Variants in KIFC3 observed in about 807,000 individuals in gnomAD.
KIFC3 encodes kinesin-like protein KIFC3.
In KIFC3, 60 loss-of-function variants were observed where a neutral mutation model predicts 101.8. The observed-to-expected ratio is 0.59, with a 90% CI of 0.48 to 0.73. KIFC3 has a LOEUF of 0.73. KIFC3 is among the 30% of genes least tolerant of loss of function. The probability of loss-of-function intolerance (pLI) is 0.00; values close to 1 mark genes in which losing one functional copy is unlikely to be tolerated. For synonymous variants in KIFC3, 476 were observed against 482.7 expected (o/e 0.99, Z 0.18); for missense variants, 966 against 1,137.1 (o/e 0.85, Z 2.16).
At chr16:57,825,268 G>T (rs1256014376) in intron 1 of KIFC3, among the ~76,000 whole-genome samples, 8 of 152,222 alleles carry the variant, frequency 5.3e-5, no homozygotes, top group Non-Finnish European at 4.4e-5. Context: ...CACTGGCCAG[G>T]CTCCTTCTCT....
At position 57,769,745 on chromosome 16, in the gene KIFC3, G is replaced by C; in HGVS notation, c.1088-20C>G. ...GGACGCCTATGGGGACACTCGGGCTGTGAGGCGGGAGGGGATGAGGGGCCG... is the reference window on the plus strand; with the variant it reads ...GGACGCCTATGGGGACACTCGGGCTCTGAGGCGGGAGGGGATGAGGGGCCG... On this transcript the variant is annotated intron_variant, in intron 8 of 19. Transcript: ENST00000445690. The surrounding 1 kb of genome is among the most constrained non-coding windows in gnomAD (Gnocchi z 4.3). 2 of 1,612,914 alleles carry C rather than the reference G, an allele frequency of 1.2e-6. No homozygotes were observed. The highest frequency in any genetic ancestry group is 1.7e-6 in the Non-Finnish European group (2 of 1,179,774).
intron 1 of KIFC3, 151 bp from the exon 2 acceptor site, chr16:57,798,433 T>C (rs965675638): frequency 3.0e-5 from 21 of 689,936 alleles, no homozygotes; most frequent in African/African-American, 5.5e-5. Flanking sequence ...CCAAAGACCC[T>C]AGGGCTCGCA....
In KIFC3 at chr16:57,802,116, C is replaced by T. The variant is rs2149240019; in HGVS notation, c.-40+254G>A. ...GTTCAATAAAATCCAAACGGGGTCC[C>T]GAGGCTGCTCGGATCCCGTGGGACA... On this transcript the variant is annotated intron_variant, in intron 1 of 19. Coordinates refer to ENST00000445690, the MANE Select transcript of KIFC3 (RefSeq NM_001130100.2). This position sits in a 1 kb window ranked among gnomAD's most constrained non-coding sequence, Gnocchi z 5.0. Among the ~76,000 whole-genome samples, 1 of 152,362 alleles carries T rather than the reference C, an allele frequency of 6.6e-6. No individual in the cohort carries two copies. The highest frequency in any genetic ancestry group is 3.4e-3 in the Middle Eastern group (1 of 294).
chr16:57,827,212 G>A (rs1020814240), intron 1 of KIFC3, among the ~76,000 whole-genome samples: 1 of 152,242 alleles, frequency 6.6e-6, no homozygotes, highest in African/African-American at 2.4e-5. Context: ...TGTGGCTGGT[G>A]GGAGCCTGGC....
chr16:57,798,789 C>T (rs2054539422), intron 1 of KIFC3, among the ~76,000 whole-genome samples: 1 of 152,208 alleles, frequency 6.6e-6, no homozygotes. Context: ...CTCAAAAGGG[C>T]CCTGACTGTG....
At chr16:57,770,190 G>A (rs551496268) in intron 7 of KIFC3, among the ~76,000 whole-genome samples, 2 of 152,342 alleles carry the variant, frequency 1.3e-5, no homozygotes, top group African/African-American at 2.4e-5. Flanking sequence ...CCCAAGCCAC[G>A]TGCCCTCAGG....
chr16:57,846,523 C>T (rs1398271946), intron 1 of KIFC3: 1 of 152,270 alleles, frequency 6.6e-6, no homozygotes, highest in Non-Finnish European at 1.5e-5. Context: ...GCGGAGATGC[C>T]TGGAAGGCGC....
In KIFC3 at chr16:57,771,333, G is replaced by T. The variant is rs1555608062; in HGVS notation, c.630C>A (p.Asp210Glu). 1.2e-6 allele frequency: 2 copies of T among 1,613,662 alleles called. No homozygotes were observed. Among genetic ancestry groups the T allele is most frequent in the Non-Finnish European group, 1.7e-6 (2 of 1,180,056 alleles). ...GTCGCAGCTCCACCTCAGCCAGCCG[G>T]TCGGTCTTCTGCTGCACCTCTAGGT... ...ELNLEVQQKT[D>E]RLAEVELRLK... is the part of the protein sequence containing the mutation. Residue 210 changes from aspartate to glutamate, a missense_variant, in exon 6 of 20, where the codon GAC becomes GAA. Asp to Glu is a conservative substitution (Grantham distance 45). Around this residue, in one of 2 missense-constraint regions of KIFC3, gnomAD observed 689 missense variants for 884.6 expected, o/e 0.78. Transcript: ENST00000445690.
rs2050405099 is a variant in KIFC3 at position 57,765,657 on chromosome 16, T to C, written c.1331-17A>G. ...GGATGTTCCCTGGATTGGTTGGGGA[T>C]GGGGAAATGGGTCCAGGCCATGTCA... On this transcript the variant is annotated splice_polypyrimidine_tract_variant and intron_variant, in intron 10 of 19. Transcript: ENST00000445690. 1 of 1,600,330 alleles carries C rather than the reference T, an allele frequency of 6.2e-7. No homozygotes were observed. Among genetic ancestry groups the C allele is most frequent in the Non-Finnish European group, 8.5e-7 (1 of 1,171,910 alleles).
At chr16:57,796,173 G>A (rs782164992) in intron 2 of KIFC3, among the ~76,000 whole-genome samples, 1 of 152,132 alleles carries the variant, frequency 6.6e-6, no homozygotes, top group Non-Finnish European at 1.5e-5. Flanking sequence ...GATTACAGGC[G>A]TGAGCCACAG....
intron 6 of KIFC3, 79 bp downstream of exon 6, chr16:57,771,119 A>C: frequency 6.5e-7 from 1 of 1,550,342 alleles, no homozygotes; most frequent in Admixed American, 1.7e-5. Context: ...CACCAGGACA[A>C]GCCCCCCTTA....
intron 9 of KIFC3, among the ~76,000 whole-genome samples, chr16:57,767,980 C>T (rs1267547823): frequency 1.3e-5 from 2 of 152,104 alleles, no homozygotes; most frequent in East Asian, 1.9e-4. Context: ...CCAGCCCCTC[C>T]CATGTACTTT....
intron 9 of KIFC3, 61 bp from the exon 10 acceptor site, chr16:57,767,046 G>C (rs2050571497): frequency 1.4e-6 from 2 of 1,391,240 alleles, no homozygotes; most frequent in Non-Finnish European, 1.0e-6. Flanking sequence ...CGGCCTGACT[G>C]CCCACCCCTG....
At chr16:57,827,763 T>C (rs1384492209) in intron 1 of KIFC3, among the ~76,000 whole-genome samples, 1 of 152,216 alleles carries the variant, frequency 6.6e-6, no homozygotes, top group African/African-American at 2.4e-5. Flanking sequence ...AGAAAGGAAC[T>C]GAGAACTCCC....
upstream of KIFC3, among the ~76,000 whole-genome samples, chr16:57,803,619 A>T (rs1180432986): frequency 6.6e-6 from 1 of 152,198 alleles, no homozygotes; most frequent in Non-Finnish European, 1.5e-5. Context: ...CCAGCGACGG[A>T]GCCAAGGGCC....
intron 1 of KIFC3, among the ~76,000 whole-genome samples, chr16:57,855,515 A>C (rs566878875): frequency 2.0e-5 from 3 of 152,274 alleles, no homozygotes; most frequent in African/African-American, 7.2e-5. Context: ...GATTCAGGTA[A>C]AAAGTACTTA....
intron 1 of KIFC3, among the ~76,000 whole-genome samples, chr16:57,822,362 C>G (rs565662749): frequency 4.5e-4 from 69 of 152,314 alleles, no homozygotes; most frequent in African/African-American, 1.5e-3. Context: ...GCACTCCCTG[C>G]TGGAGGGCCT....
intron 1 of KIFC3, among the ~76,000 whole-genome samples, chr16:57,819,653 C>G (rs1406497420): frequency 6.6e-6 from 1 of 151,500 alleles, no homozygotes; most frequent in East Asian, 1.9e-4. Flanking sequence ...CTCCGCCTCC[C>G]AGGTTCAAGC....
At chr16:57,832,936 G>A (rs912285648) in intron 1 of KIFC3, among the ~76,000 whole-genome samples, 5 of 151,968 alleles carry the variant, frequency 3.3e-5, no homozygotes, top group South Asian at 2.1e-4. Flanking sequence ...GGCCAGGCTC[G>A]GTGGCTCATA....
Sources: allele counts gnomAD v4.1 joint callset (sites outside exome capture counted in the v4.1 genomes callset), GRCh38; gene constraint gnomAD v4.1.1; regional missense constraint gnomAD v4.1.1; non-coding constraint Gnocchi (gnomAD v3.1); transcripts MANE v1.5; gene names NCBI Gene and HGNC (gene_info 2026-07-23, HGNC 2026-07-21).